The following TMEM260 variants were observed in gnomAD, a reference collection of about 807,000 sequenced individuals.
The protein encoded by TMEM260 is transmembrane protein 260, also known as protein O-mannosyl-transferase TMEM260.
TMEM260 carries 82 observed loss-of-function variants against 88.9 expected under a neutral mutation model. The ratio of observed to expected loss-of-function variants is 0.92; its 90% CI spans 0.77 to 1.11. TMEM260 has a LOEUF of 1.11. Ranked by LOEUF, TMEM260 falls within the 50% of genes least tolerant of loss-of-function variation. TMEM260 has a pLI of 0.00. For synonymous variants in TMEM260, 314 were observed against 309.3 expected (o/e 1.02, Z -0.16); for missense variants, 902 against 853.4 (o/e 1.06, Z -0.71).
chr14:56,642,060 G>T (rs1889635500), intron 15 of TMEM260, among the ~76,000 whole-genome samples: 1 of 152,136 alleles, frequency 6.6e-6, no homozygotes, highest in South Asian at 2.1e-4. Flanking sequence ...ATAATAATGG[G>T]AGACTTTAAC....
At chr14:56,653,745 A>AAAAAAAAAAAACAAAC (rs1555343563), downstream of TMEM260, among the ~76,000 whole-genome samples, 3 of 137,368 alleles carry the variant, frequency 2.2e-5, no homozygotes, top group East Asian at 2.2e-4. Flanking sequence ...CCAAAACAAA[A>AAAAAAAAAAAACAAAC]AAAAAAAAAA....
At chr14:56,647,215 G>C (rs767642489) in intron 15 of TMEM260, 28 bp from the exon 16 acceptor site, 1 of 1,565,016 alleles carries the variant, frequency 6.4e-7, no homozygotes, top group African/African-American at 1.4e-5. Context: ...AATAACAATG[G>C]AATACCAACA....
At chr14:56,599,015 T>C (rs750330156) in intron 3 of TMEM260, among the ~76,000 whole-genome samples, 5 of 152,364 alleles carry the variant, frequency 3.3e-5, no homozygotes, top group African/African-American at 7.2e-5. Flanking sequence ...AACAATTTGA[T>C]GTTCCCTTCC....
chr14:56,635,972 A>G (rs895758011), intron 14 of TMEM260, among the ~76,000 whole-genome samples: 2 of 152,226 alleles, frequency 1.3e-5, no homozygotes, highest in African/African-American at 4.8e-5. Flanking sequence ...AAGATATACC[A>G]TATGTTTGCA....
intron 3 of TMEM260, among the ~76,000 whole-genome samples, chr14:56,601,686 A>G (rs1227028043): frequency 2.0e-5 from 3 of 152,176 alleles, no homozygotes; most frequent in African/African-American, 4.8e-5. Context: ...GGAAAGGCCA[A>G]TGATGTCCTT....
chr14:56,591,745 G>C (rs1044533586), intron 3 of TMEM260, among the ~76,000 whole-genome samples: 2 of 152,174 alleles, frequency 1.3e-5, no homozygotes, highest in South Asian at 4.1e-4. Flanking sequence ...CAAGTTACCT[G>C]GCATACTGTG....
rs1289362151 is a variant in TMEM260 at position 56,634,972 on chromosome 14, G to A, written c.1778+20G>A. ...AGCGAGGTGACTATTCTACATTTTT[G>A]TGTGTGCAGTCTATTTTTAATATGG... On this transcript the variant is annotated intron_variant, in intron 14 of 15. Coordinates refer to ENST00000261556, the MANE Select transcript of TMEM260 (RefSeq NM_017799.4). 4 of 1,610,582 alleles carry A rather than the reference G, an allele frequency of 2.5e-6. No individual in the cohort carries two copies. The highest frequency in any genetic ancestry group is 2.5e-6 in the Non-Finnish European group (3 of 1,176,842).
chr14:56,603,721 C>CT lies in TMEM260; in HGVS notation c.345-93dup, dbSNP rs1372544718. On this transcript the variant is annotated intron_variant, in intron 3 of 15. Transcript: ENST00000261556. ...AATGTGTTGGAGTAGTGCTGGGTGACTATCATAATTTCTGCTGGTACAGTT... is the reference window on the plus strand; with the variant it reads ...AATGTGTTGGAGTAGTGCTGGGTGACTTATCATAATTTCTGCTGGTACAGTT... 3.1e-5 allele frequency: 42 copies of CT among 1,341,272 alleles called. No individual in the cohort carries two copies. The Admixed American group carries it at 7.4e-4, about 23-fold the overall frequency. The allele number at this position is 1,341,272 out of a possible 1,614,324, so 83.1% of individuals were successfully genotyped here. A position where few individuals can be genotyped will look rare whatever the true frequency, so the allele number is the denominator to read the frequency against.
At chr14:56,629,438 G>A (rs376483679) in intron 12 of TMEM260, among the ~76,000 whole-genome samples, 80 of 151,698 alleles carry the variant, frequency 5.3e-4, no homozygotes, top group Middle Eastern at 3.4e-3. Context: ...AGATAGGGTC[G>A]TTTTTATTTC....
At chr14:56,593,332 A>G (rs2139519661) in intron 3 of TMEM260, 1 of 152,188 alleles carries the variant, frequency 6.6e-6, no homozygotes, top group Non-Finnish European at 1.5e-5. Context: ...GATTTTAAAC[A>G]CTTGACTGCC....
At chr14:56,661,988 G>A in the TMEM260 span, among the ~76,000 whole-genome samples, 1 of 152,150 alleles carries the variant, frequency 6.6e-6, no homozygotes, top group Non-Finnish European at 1.5e-5. Flanking sequence ...AGGTCTCAGG[G>A]TGAGTTCAAG....
At chr14:56,620,898 G>A (rs1416194427) in intron 10 of TMEM260, among the ~76,000 whole-genome samples, 2 of 151,934 alleles carry the variant, frequency 1.3e-5, no homozygotes, top group Non-Finnish European at 2.9e-5. Flanking sequence ...CTTCATTCTT[G>A]AAAAGAATGA....
chr14:56,602,940 G>C (rs1040641011), intron 3 of TMEM260, among the ~76,000 whole-genome samples: 1 of 152,124 alleles, frequency 6.6e-6, no homozygotes. Context: ...AATGCTTGCT[G>C]AATTTTCTAA....
chr14:56,608,464 TATATTTTCCCAA>T (rs769072688), intron 5 of TMEM260, among the ~76,000 whole-genome samples: 2 of 152,184 alleles, frequency 1.3e-5, no homozygotes, highest in Non-Finnish European at 2.9e-5. Flanking sequence ...CAATGAGAAA[TATATTTTCCCAA>T]ATAAGGTGTA....
intron 1 of TMEM260, among the ~76,000 whole-genome samples, chr14:56,581,053 A>G (rs1885097669): frequency 6.6e-6 from 1 of 152,212 alleles, no homozygotes; most frequent in Admixed American, 6.5e-5. Context: ...CGGTCTTCTC[A>G]AGGCTCAATT....
At chr14:56,612,654 A>G (rs578141528) in intron 7 of TMEM260, 2 of 177,580 alleles carry the variant, frequency 1.1e-5, no homozygotes, top group African/African-American at 2.4e-5. Context: ...AATTATGACA[A>G]GAAAAAACAT....
chr14:56,638,207 A>G (rs200757496), intron 15 of TMEM260: 1 of 151,008 alleles, frequency 6.6e-6, no homozygotes, highest in East Asian at 2.0e-4. Context: ...TGATTATAGA[A>G]GGCAGCATGC....
rs750319409 is a variant in TMEM260 at position 56,625,449 on chromosome 14, A to C, written c.1466A>C (p.Asn489Thr). 2.5e-6 allele frequency: 4 copies of C among 1,613,884 alleles called. No homozygotes were observed. The highest frequency in any genetic ancestry group is 3.4e-6 in the Non-Finnish European group (4 of 1,179,816). ...KHLPGVNFPG[N>T]RWNPVEGILP... Reference sequence around the variant, plus strand: ...TTGCCAGGTGTCAACTTTCCTGGGAACCGGTGGAATCCTGTGGAAGGAATA... The same window carrying C: ...TTGCCAGGTGTCAACTTTCCTGGGACCCGGTGGAATCCTGTGGAAGGAATA... Residue 489 changes from asparagine (N) to threonine (T), a missense_variant, in exon 12 of 16, where the codon AAC becomes ACC. Physicochemically the swap from Asn to Thr is moderately conservative, Grantham distance 65 (BLOSUM62 0). Transcript: ENST00000261556.
At chr14:56,643,034 C>CA (rs1257670525) in intron 15 of TMEM260, among the ~76,000 whole-genome samples, 4 of 152,012 alleles carry the variant, frequency 2.6e-5, no homozygotes, top group Non-Finnish European at 5.9e-5. Flanking sequence ...GCTTACCAAC[C>CA]AAAAAAAGTC....
Sources: gnomAD v4.1 joint callset for allele counts (sites outside exome capture counted in the v4.1 genomes callset) on GRCh38, gnomAD v4.1.1 for gene constraint, MANE v1.5 for transcripts, NCBI Gene and HGNC (gene_info 2026-07-23, HGNC 2026-07-21) for gene names.